NAA60: variants seen among roughly 807,000 people sequenced by gnomAD.
NAA60 encodes the protein N-alpha-acetyltransferase 60, NatF catalytic subunit.
NAA60 carries 8 observed loss-of-function variants against 26.1 expected under a neutral mutation model. The observed-to-expected ratio is 0.31, with a 90% CI of 0.18 to 0.55. The LOEUF (loss-of-function observed/expected upper bound fraction) is 0.55, where lower values mean the gene tolerates loss of function less well. Among genes scored for constraint, NAA60 ranks in the 20% least tolerant of loss-of-function variants. NAA60 has a pLI of 0.93. For synonymous variants in NAA60, 131 were observed against 122.5 expected, an observed-to-expected ratio of 1.07 and a Z score of -0.46; for missense variants, 290 against 311.3, an observed-to-expected ratio of 0.93 and a Z score of 0.51.
intron 4 of NAA60, among the ~76,000 whole-genome samples, chr16:3,482,198 AACTTTACCTTGTGCTGGCATC>A (rs1212065118): frequency 6.6e-6 from 1 of 152,084 alleles, no homozygotes; most frequent in Non-Finnish European, 1.5e-5. Context: ...TTCATGCCAT[AACTTTACCTTGTGCTGGCATC>A]AGAGCCTCAT....
intron 2 of NAA60, among the ~76,000 whole-genome samples, chr16:3,460,733 C>G (rs189263408): frequency 1.3e-5 from 2 of 152,224 alleles, no homozygotes; most frequent in South Asian, 4.1e-4. Context: ...GACCCTGCAT[C>G]GAAGCTGGTT....
rs1175589899 is a variant in NAA60, at chr16:3,447,406, G to A, written c.-76-1065G>A. The A allele has an allele frequency of 4.3e-6, 4 of 928,226 alleles. No homozygotes were observed. The South Asian group carries it at 1.5e-4, about 35-fold the overall frequency. 57.5% of individuals were successfully genotyped at this position (928,226 alleles called of 1,614,324 possible). ...GTGTAATCACTTCAAGGTAAATGGG[G>A]TATCTTCCCTGGCGATGTTTAACAT... On this transcript the variant is annotated intron_variant, in intron 1 of 7. Transcript: ENST00000407558.
intron 2 of NAA60, among the ~76,000 whole-genome samples, chr16:3,460,035 G>C (rs1325260461): frequency 6.6e-6 from 1 of 152,192 alleles, no homozygotes; most frequent in Non-Finnish European, 1.5e-5. Context: ...CTGGAGACGG[G>C]GTGTACCTGT....
At chr16:3,457,781 G>A (rs1391977299) in intron 2 of NAA60, among the ~76,000 whole-genome samples, 1 of 152,214 alleles carries the variant, frequency 6.6e-6, no homozygotes, top group East Asian at 1.9e-4. Flanking sequence ...GCACACGCTA[G>A]GCCGGGGAGC....
At chr16:3,481,237 G>T (rs967972839) in intron 4 of NAA60, among the ~76,000 whole-genome samples, 2 of 152,000 alleles carry the variant, frequency 1.3e-5, no homozygotes, top group Admixed American at 1.3e-4. Context: ...TTTTAGACGT[G>T]CGCCACCACA....
chr16:3,455,059 ATTTTTTTC>A (rs1247082283), intron 2 of NAA60, among the ~76,000 whole-genome samples: 29 of 152,044 alleles, frequency 1.9e-4, no homozygotes, highest in Non-Finnish European at 1.5e-5. Flanking sequence ...TTAAAGGAGT[ATTTTTTTC>A]TTTTTTGAGA....
chr16:3,482,429 G>A (rs1004463710), intron 4 of NAA60, 73 bp from the exon 5 acceptor site: 86 of 1,277,860 alleles, frequency 6.7e-5, no homozygotes, highest in Non-Finnish European at 8.9e-5. Flanking sequence ...TGCGGAGCCC[G>A]CCTGGGCCGG....
rs570342565 is a variant in NAA60 at position 3,484,565 on chromosome 16, T to G, written c.573-134T>G. ...GAGCCTTTCCAGCTCTGCAGAGGCT[T>G]AGCGGGCTCTCAGCCTCCGAAGCCT... is the stretch of plus-strand genomic sequence containing the variant. On this transcript the variant is annotated intron_variant, in intron 6 of 7. Transcript: ENST00000407558. 3.4e-6 allele frequency: 4 copies of G among 1,166,348 alleles called. No individual in the cohort carries two copies. The South Asian group carries it at 5.9e-5, about 17-fold the overall frequency. The allele number at this position is 1,166,348 out of a possible 1,614,324, so 72.2% of individuals were successfully genotyped here.
chr16:3,485,960 G>A lies in NAA60; in HGVS notation c.*700G>A, dbSNP rs1278920063. On this transcript the variant is annotated 3_prime_UTR_variant, in exon 8 of 8. Transcript: ENST00000407558. ...CGTGCAGTTACCAGTGCCCTGGGAG[G>A]TCACACTGCCCGTCGGACCTTGGCA... 4 of 298,208 alleles carry A rather than the reference G, an allele frequency of 1.3e-5. No homozygotes were observed. Among genetic ancestry groups the A allele is most frequent in the Non-Finnish European group, 2.7e-5 (4 of 150,588 alleles). 18.5% of individuals were successfully genotyped at this position (298,208 alleles called of 1,614,324 possible). A position where few individuals can be genotyped will look rare whatever the true frequency, so the allele number is the denominator to read the frequency against.
At chr16:3,463,551 TAAA>T (rs71133639) in intron 2 of NAA60, among the ~76,000 whole-genome samples, 127 of 113,874 alleles carry the variant, frequency 1.1e-3, no homozygotes, top group African/African-American at 2.2e-3. Flanking sequence ...GACCCTGTGT[TAAA>T]AAAAAAAAAA....
At chr16:3,483,033 A>C in intron 5 of NAA60, 1 of 481,572 alleles carries the variant, frequency 2.1e-6, no homozygotes, top group East Asian at 3.8e-5. Flanking sequence ...CAGAGTCTTA[A>C]TTAATTTTAA....
intron 2 of NAA60, among the ~76,000 whole-genome samples, chr16:3,460,070 A>G (rs2035280339): frequency 6.6e-6 from 1 of 152,160 alleles, no homozygotes; most frequent in Non-Finnish European, 1.5e-5. Context: ...CGAGGTGGAT[A>G]CAGAATCCAG....
chr16:3,481,413 T>TC (rs547276031), intron 4 of NAA60, among the ~76,000 whole-genome samples: 3 of 151,952 alleles, frequency 2.0e-5, no homozygotes, highest in Non-Finnish European at 4.4e-5. Flanking sequence ...GGACACGTGG[T>TC]CCCCCCCTTC....
At chr16:3,479,260 CAG>C (rs1490374108) in intron 3 of NAA60, among the ~76,000 whole-genome samples, 1 of 152,098 alleles carries the variant, frequency 6.6e-6, no homozygotes, top group Non-Finnish European at 1.5e-5. Flanking sequence ...AAATTCCCAT[CAG>C]AGATCCCCAG....
chr16:3,462,086 CAAAAAAA>C (rs1228233879), intron 2 of NAA60, among the ~76,000 whole-genome samples: 2 of 76,802 alleles, frequency 2.6e-5, no homozygotes, highest in Non-Finnish European at 5.0e-5. Context: ...GACCTTATAT[CAAAAAAA>C]AAAAAAAAAA....
intron 2 of NAA60, among the ~76,000 whole-genome samples, chr16:3,459,042 C>G (rs560018934): frequency 6.6e-6 from 1 of 152,160 alleles, no homozygotes; most frequent in Non-Finnish European, 1.5e-5. Flanking sequence ...TTCACTCTGC[C>G]AAGTCCTTGA....
intron 3 of NAA60, 75 bp downstream of exon 3, chr16:3,476,412 G>A: frequency 1.6e-6 from 2 of 1,229,320 alleles, no homozygotes; most frequent in Non-Finnish European, 1.2e-6. Flanking sequence ...GGGGGTGGGG[G>A]CCTCTTGGGC....
intron 2 of NAA60, among the ~76,000 whole-genome samples, chr16:3,469,537 A>G (rs141645152): frequency 0.026 from 2,161 of 84,410 alleles, 43 homozygotes; most frequent in Admixed American, 0.033. Flanking sequence ...CCTGGTACCC[A>G]TCCTGTTTGG....
In NAA60 at chr16:3,485,929, A is replaced by G; in HGVS notation, c.*669A>G. 3.0e-6 allele frequency: 1 copy of G among 336,812 alleles called. No individual in the cohort carries two copies. The highest frequency in any genetic ancestry group is 5.9e-6 in the Non-Finnish European group (1 of 169,794). The allele number at this position is 336,812 out of a possible 1,614,324, so 20.9% of individuals were successfully genotyped here. Reference sequence around the variant, plus strand: ...ATCAGGACGGTTCCTACTCCTCAGCACCTTCCGTGCAGTTACCAGTGCCCT... The same window carrying G: ...ATCAGGACGGTTCCTACTCCTCAGCGCCTTCCGTGCAGTTACCAGTGCCCT... On this transcript the variant is annotated 3_prime_UTR_variant, in exon 8 of 8. Coordinates refer to ENST00000407558, the MANE Select transcript of NAA60 (RefSeq NM_001083601.3).
Sources: gnomAD v4.1 joint callset for allele counts (sites outside exome capture counted in the v4.1 genomes callset) on GRCh38, gnomAD v4.1.1 for gene constraint, MANE v1.5 for transcripts, NCBI Gene and HGNC (gene_info 2026-07-23, HGNC 2026-07-21) for gene names.